ADAM20: variants seen among roughly 807,000 people sequenced by gnomAD.
The protein encoded by ADAM20 is disintegrin and metalloproteinase domain-containing protein 20.
For missense variants in ADAM20, 871 were observed against 883.2 expected, an observed-to-expected ratio of 0.99 and a Z score of 0.18; for synonymous variants, 305 against 310.2, an observed-to-expected ratio of 0.98 and a Z score of 0.18.
Position 70,522,631 on chromosome 14 carries a change from G to A in ADAM20, c.2127C>T (p.Cys709=), listed in dbSNP as rs932235627. ...LLPLVAFLLF[C]LHVLFKKRTK... ...TGCGTTTCTTAAAAAGCACATGTAA[G>A]CAAAATAATAAAAAAGCAACCAAAG... The change falls in exon 2 of 2, where the codon TGC becomes TGT. Residue 709 remains cysteine, a synonymous_variant. Coordinates refer to ENST00000256389, the MANE Select transcript of ADAM20 (RefSeq NM_003814.5). 6 of 1,613,454 alleles carry A rather than the reference G, an allele frequency of 3.7e-6. No homozygotes were observed. The African/African-American group carries it at 8.0e-5, about 22-fold the overall frequency.
the ADAM20 span, among the ~76,000 whole-genome samples, chr14:70,546,204 C>T: frequency 6.6e-4 from 101 of 152,172 alleles, no homozygotes; most frequent in African/African-American, 2.3e-3. Flanking sequence ...ACAGCAAAAG[C>T]CATACTAAGA....
the ADAM20 span, among the ~76,000 whole-genome samples, chr14:70,562,183 G>A: frequency 1.3e-5 from 2 of 152,262 alleles, no homozygotes; most frequent in Non-Finnish European, 2.9e-5. Context: ...GCATCAGCAT[G>A]CCCTGAATGT....
chr14:70,546,785 T>C, the ADAM20 span, among the ~76,000 whole-genome samples: 1 of 151,004 alleles, frequency 6.6e-6, no homozygotes, highest in Admixed American at 6.6e-5. Context: ...CCCAAATTAG[T>C]AAAAGAAAAA....
chr14:70,542,938 CA>C, the ADAM20 span, among the ~76,000 whole-genome samples: 2,617 of 122,696 alleles, frequency 0.021, 69 homozygotes, highest in Admixed American at 0.094. Flanking sequence ...GACTCCATCT[CA>C]AAAAAAAAAA....
At chr14:70,539,595 T>C (rs1883904498), upstream of ADAM20, among the ~76,000 whole-genome samples, 1 of 152,240 alleles carries the variant, frequency 6.6e-6, no homozygotes, top group African/African-American at 2.4e-5. Flanking sequence ...TATGGATTGT[T>C]TGTAACCAGC....
chr14:70,571,904 T>A, the ADAM20 span, among the ~76,000 whole-genome samples: 3 of 151,874 alleles, frequency 2.0e-5, no homozygotes, highest in Non-Finnish European at 4.4e-5. Flanking sequence ...AAAAAATAAG[T>A]AGGAATATGT....
chr14:70,566,916 A>C, the ADAM20 span, among the ~76,000 whole-genome samples: 3,950 of 152,166 alleles, frequency 0.026, 118 homozygotes, highest in Admixed American at 0.078. Flanking sequence ...CAGGAGGCGG[A>C]GGTTGCAGTG....
In ADAM20 at chr14:70,524,274, C is replaced by T; in HGVS notation, c.484G>A (p.Asp162Asn). 6.2e-7 allele frequency: 1 copy of T among 1,613,998 alleles called. No homozygotes were observed. The highest frequency in any genetic ancestry group is 8.5e-7 in the Non-Finnish European group (1 of 1,179,942). Reference protein sequence around the residue: ...ATFEHLVYKIDSDDTQFPPMR... With the variant: ...ATFEHLVYKINSDDTQFPPMR... ...GGTGGAAACTGTGTATCATCACTGT[C>T]TATCTTATATACTAGGTGTTCAAAT... The change falls in exon 2 of 2, where the codon GAC (aspartate) becomes AAC (asparagine). Residue 162 changes from aspartate (D) to asparagine (N), a missense_variant. Asp to Asn is a conservative substitution (Grantham distance 23). Transcript: ENST00000256389.
intron 1 of ADAM20, among the ~76,000 whole-genome samples, chr14:70,529,457 C>T (rs1045858682): frequency 1.3e-5 from 2 of 152,066 alleles, no homozygotes; most frequent in South Asian, 2.1e-4. Flanking sequence ...TAGGTGATTT[C>T]GTCATTGTGC....
the ADAM20 span, among the ~76,000 whole-genome samples, chr14:70,565,189 T>C: frequency 2.9e-4 from 44 of 150,918 alleles, no homozygotes; most frequent in African/African-American, 9.5e-4. Context: ...AAGACAGAAT[T>C]TGAAAACTCG....
At chr14:70,555,126 C>T in the ADAM20 span, among the ~76,000 whole-genome samples, 1 of 152,258 alleles carries the variant, frequency 6.6e-6, no homozygotes, top group South Asian at 2.1e-4. Flanking sequence ...GGCCTTCGGA[C>T]CCTATTTACC....
chr14:70,565,044 C>A, the ADAM20 span, among the ~76,000 whole-genome samples: 1 of 150,384 alleles, frequency 6.6e-6, no homozygotes, highest in East Asian at 1.9e-4. Flanking sequence ...CACAGCAAGA[C>A]CTCATCTTAA....
the ADAM20 span, among the ~76,000 whole-genome samples, chr14:70,558,075 C>T: frequency 1.3e-5 from 2 of 152,108 alleles, no homozygotes; most frequent in Admixed American, 1.3e-4. Flanking sequence ...TACCCTTTAA[C>T]CAGATATAAG....
chr14:70,553,181 G>A, the ADAM20 span, among the ~76,000 whole-genome samples: 4 of 59,328 alleles, frequency 6.7e-5, no homozygotes, highest in South Asian at 2.5e-3. Flanking sequence ...AGGGGGGAGG[G>A]ATAGCATTGG....
Position 70,523,873 on chromosome 14 carries a change from A to C in ADAM20, c.885T>G (p.Val295=), listed in dbSNP as rs146303425. Residue 295 remains valine, a synonymous_variant, in exon 2 of 2, where the codon GTT becomes GTG. Transcript: ENST00000256389. Reference sequence around the variant, plus strand: ...GTGTGTCTTTTATGAAAAGATGTGCAACATCATGTTGTAGTCGATTATTAA... The same window carrying C: ...GTGTGTCTTTTATGAAAAGATGTGCCACATCATGTTGTAGTCGATTATTAA... ...YNLNNRLQHD[V]AHLFIKDTQG... is the part of the protein sequence containing the mutation. 566 of 1,614,000 alleles carry C rather than the reference A, an allele frequency of 3.5e-4. 2 individuals carry two copies. The highest frequency in any genetic ancestry group is 2.5e-4 in the South Asian group (23 of 91,066).
rs780272964 is a variant in ADAM20 at position 70,524,124 on chromosome 14, C to T, written c.634G>A (p.Val212Ile). The change falls in exon 2 of 2, where the codon GTA becomes ATA. Residue 212 changes from valine (V) to isoleucine (I), a missense_variant. By Grantham distance (29) the Val-to-Ile change is conservative. Transcript: ENST00000256389. ...WWTHQRFVEL[V>I]VVVDNIRYLF... The stretch of plus-strand genomic sequence containing the variant: ...TATCTAATATTATCCACGACCACTA[C>T]CAGCTCAACAAACCGCTGATGGGTC... 1.2e-5 allele frequency: 20 copies of T among 1,613,780 alleles called. No homozygotes were observed. The highest frequency in any genetic ancestry group is 1.4e-5 in the Non-Finnish European group (17 of 1,179,940).
At chr14:70,550,637 C>A in the ADAM20 span, among the ~76,000 whole-genome samples, 6 of 78,636 alleles carry the variant, frequency 7.6e-5, no homozygotes, top group African/African-American at 3.7e-4. Flanking sequence ...AGACCAATAA[C>A]AGGCTCTGAA....
In ADAM20 at chr14:70,523,287, C is replaced by T; in HGVS notation, c.1471G>A (p.Val491Met). 1 of 1,614,034 alleles carries T rather than the reference C, an allele frequency of 6.2e-7. No individual in the cohort carries two copies. Among genetic ancestry groups the T allele is most frequent in the Non-Finnish European group, 8.5e-7 (1 of 1,179,940 alleles). ...ACATTACAGGAGATCCCGTCCTGCA[C>T]ATACACATCATCTGGGCATTGATGG... ...TSHQCPDDVY[V>M]QDGISCNVNA... is the part of the protein sequence containing the mutation. The change falls in exon 2 of 2, where the codon GTG becomes ATG. Residue 491 changes from valine (V) to methionine (M), a missense_variant. By Grantham distance (21) the Val-to-Met change is conservative. Transcript: ENST00000256389.
intron 1 of ADAM20, among the ~76,000 whole-genome samples, chr14:70,529,369 T>G (rs751640878): frequency 6.6e-6 from 1 of 152,300 alleles, no homozygotes; most frequent in Admixed American, 6.5e-5. Context: ...CTATCAATAA[T>G]GTAATGAAAT....
Sources: gnomAD v4.1 joint callset for allele counts (sites outside exome capture counted in the v4.1 genomes callset) on GRCh38, gnomAD v4.1.1 for gene constraint, MANE v1.5 for transcripts, NCBI Gene and HGNC (gene_info 2026-07-23, HGNC 2026-07-21) for gene names.